Variants in GEMIN8 observed in about 807,000 individuals in gnomAD.
GEMIN8 encodes the protein gem-associated protein 8.
For missense variants in GEMIN8, 185 were observed against 205.9 expected (o/e 0.90, Z 0.62); for synonymous variants, 80 against 78.5 (o/e 1.02, Z -0.10).
the GEMIN8 span, among the ~76,000 whole-genome samples, chrX:13,985,603 T>C: frequency 8.9e-6 from 1 of 112,467 alleles, no homozygotes; most frequent in East Asian, 2.8e-4. Flanking sequence ...TTGCTCACTA[T>C]AGTTTCCTTA....
chrX:14,014,190 G>A, intron 4 of GEMIN8: 2 of 750,602 alleles, frequency 2.7e-6, no homozygotes, highest in Non-Finnish European at 3.1e-6. Flanking sequence ...CACTTTCCTA[G>A]GACTAGTACA....
At chrX:14,023,453 C>A (rs1924496721) in intron 2 of GEMIN8, among the ~76,000 whole-genome samples, 1 of 109,463 alleles carries the variant, frequency 9.1e-6, no homozygotes, top group African/African-American at 3.3e-5. Flanking sequence ...GATCTCTGCT[C>A]CCTGCAACCT....
At chrX:14,028,013 T>C (rs1235612277) in intron 1 of GEMIN8, among the ~76,000 whole-genome samples, 1 of 112,526 alleles carries the variant, frequency 8.9e-6, no homozygotes, top group Non-Finnish European at 1.9e-5. Context: ...GCAAAAACCA[T>C]GGCTAGTTTA....
At chrX:13,990,664 G>A in the GEMIN8 span, among the ~76,000 whole-genome samples, 2 of 112,578 alleles carry the variant, frequency 1.8e-5, no homozygotes, top group Non-Finnish European at 3.8e-5. Flanking sequence ...AAGTATAAAT[G>A]CATATATGTA....
intron 4 of GEMIN8, among the ~76,000 whole-genome samples, chrX:14,011,613 C>T (rs760446527): frequency 1.0e-5 from 1 of 100,339 alleles, no homozygotes; most frequent in African/African-American, 3.7e-5. Context: ...ATCCAGAGGG[C>T]AGAGCCCACA....
rs1923318785 is a variant in GEMIN8 at position 14,008,729 on chromosome X, T to C, written c.*184A>G. 3 of 469,738 alleles carry C rather than the reference T, an allele frequency of 6.4e-6. No individual in the cohort carries two copies. Among genetic ancestry groups the C allele is most frequent in the Non-Finnish European group, 1.1e-5 (3 of 267,504 alleles). 38.7% of individuals were successfully genotyped at this position (469,738 alleles called of 1,213,427 possible). On this transcript the variant is annotated 3_prime_UTR_variant, in exon 5 of 5. Transcript: ENST00000680255. ...AATTTATCATGTTGGCAACAGAACA[T>C]GTCCTGCAGACCTCCAAGTGGCTGG...
At chrX:14,012,559 C>T (rs371072727) in intron 4 of GEMIN8, among the ~76,000 whole-genome samples, 34 of 111,518 alleles carry the variant, frequency 3.0e-4, no homozygotes, top group African/African-American at 8.5e-4. Flanking sequence ...TCACCTGCGA[C>T]CTACCCTGTG....
At chrX:14,017,488 T>C (rs1603196106) in intron 4 of GEMIN8, among the ~76,000 whole-genome samples, 1 of 111,973 alleles carries the variant, frequency 8.9e-6, no homozygotes, top group East Asian at 2.8e-4. Context: ...CCCAGGGTGA[T>C]TGTACTCCTT....
intron 4 of GEMIN8, among the ~76,000 whole-genome samples, chrX:14,009,390 A>C (rs1208003816): frequency 9.0e-6 from 1 of 111,204 alleles, no homozygotes; most frequent in Admixed American, 9.6e-5. Flanking sequence ...TCACCTACCA[A>C]GGGGTTATTA....
intron 2 of GEMIN8, among the ~76,000 whole-genome samples, chrX:14,025,349 A>G (rs927476992): frequency 9.3e-6 from 1 of 107,083 alleles, no homozygotes; most frequent in Non-Finnish European, 1.9e-5. Context: ...AAAAAAAAAA[A>G]CACACACCAA....
At chrX:14,010,651 T>C (rs887284911) in intron 4 of GEMIN8, among the ~76,000 whole-genome samples, 1 of 112,163 alleles carries the variant, frequency 8.9e-6, no homozygotes, top group Admixed American at 9.5e-5. Context: ...AGGAGTTTTA[T>C]AAACTTGGAA....
At chrX:14,000,860 T>C in the GEMIN8 span, among the ~76,000 whole-genome samples, 1 of 111,415 alleles carries the variant, frequency 9.0e-6, no homozygotes, top group Non-Finnish European at 1.9e-5. Flanking sequence ...TGGGAGTGGC[T>C]TCTGTGCCCC....
At chrX:13,997,847 C>T in the GEMIN8 span, among the ~76,000 whole-genome samples, 1 of 100,869 alleles carries the variant, frequency 9.9e-6, no homozygotes, top group African/African-American at 3.7e-5. Context: ...TGCAGTGAGC[C>T]GAGATCATGC....
the GEMIN8 span, among the ~76,000 whole-genome samples, chrX:13,996,234 T>C: frequency 1.8e-5 from 2 of 112,112 alleles, no homozygotes; most frequent in African/African-American, 6.5e-5. Context: ...CTCTATTAAG[T>C]ATAATATTGA....
At chrX:14,019,705 T>C (rs1924169323) in intron 4 of GEMIN8, among the ~76,000 whole-genome samples, 1 of 111,890 alleles carries the variant, frequency 8.9e-6, no homozygotes, top group South Asian at 3.7e-4. Flanking sequence ...TTAACCTTTT[T>C]AAGGTTCACT....
chrX:13,985,980 C>T, the GEMIN8 span, among the ~76,000 whole-genome samples: 2 of 111,231 alleles, frequency 1.8e-5, no homozygotes, highest in African/African-American at 6.5e-5. Flanking sequence ...TTACTTCATG[C>T]ATAATGACAT....
At chrX:14,028,936 A>G (rs116487945) in intron 1 of GEMIN8, among the ~76,000 whole-genome samples, 1,897 of 112,375 alleles carry the variant, frequency 0.017, 46 homozygotes, top group African/African-American at 0.058. Flanking sequence ...TAATCCTAGA[A>G]GTGTTGCGTT....
At chrX:14,012,860 G>C (rs900415068) in intron 4 of GEMIN8, among the ~76,000 whole-genome samples, 13 of 111,022 alleles carry the variant, frequency 1.2e-4, no homozygotes, top group East Asian at 1.1e-3. Context: ...GGGGCTATGG[G>C]GGGGGGCACC....
downstream of GEMIN8, among the ~76,000 whole-genome samples, chrX:14,003,848 TTAAG>T (rs1923053316): frequency 1.8e-5 from 2 of 112,444 alleles, no homozygotes; most frequent in East Asian, 2.8e-4. Context: ...TAAGCTCTAT[TTAAG>T]TGTTTGATAA....
Sources: gnomAD v4.1 joint callset for allele counts (sites outside exome capture counted in the v4.1 genomes callset) on GRCh38, gnomAD v4.1.1 for gene constraint, MANE v1.5 for transcripts, NCBI Gene and HGNC (gene_info 2026-07-23, HGNC 2026-07-21) for gene names.